The following AGBL4 variants were observed in gnomAD, a reference collection of about 807,000 sequenced individuals.
AGBL4 encodes the protein AGBL carboxypeptidase 4.
A neutral mutation model predicts 66.4 loss-of-function variants in AGBL4; 58 were observed. That is an observed-to-expected ratio of 0.87 (90% CI 0.71 to 1.09). AGBL4 has a LOEUF of 1.09. Ranked by LOEUF, AGBL4 falls within the 50% of genes least tolerant of loss-of-function variation. AGBL4 has a pLI of 0.00. For missense variants in AGBL4, 579 were observed against 631.0 expected (o/e 0.92, Z 0.88); for synonymous variants, 234 against 222.9 (o/e 1.05, Z -0.44).
intron 6 of AGBL4, among the ~76,000 whole-genome samples, chr1:48,680,508 C>T (rs778298531): frequency 2.6e-4 from 39 of 152,224 alleles, no homozygotes; most frequent in Non-Finnish European, 5.1e-4. Context: ...CAAAACAGCT[C>T]TCAACACAAT....
intron 5 of AGBL4, among the ~76,000 whole-genome samples, chr1:48,910,552 G>A (rs1193530877): frequency 1.3e-5 from 2 of 152,122 alleles, no homozygotes; most frequent in African/African-American, 4.8e-5. Context: ...CATTAAGACA[G>A]ACTGTCAAAA....
intron 9 of AGBL4, among the ~76,000 whole-genome samples, chr1:48,611,698 A>G (rs948502243): frequency 6.6e-6 from 1 of 152,184 alleles, no homozygotes; most frequent in East Asian, 1.9e-4. Flanking sequence ...CTTGCCCAAG[A>G]TCACACAGCT....
chr1:49,607,148 C>G (rs1306581513), intron 3 of AGBL4, among the ~76,000 whole-genome samples: 1 of 152,088 alleles, frequency 6.6e-6, no homozygotes, highest in Non-Finnish European at 1.5e-5. Flanking sequence ...TGCCAACACT[C>G]CCATACCCAT....
At chr1:49,137,646 G>C (rs546712127) in intron 4 of AGBL4, among the ~76,000 whole-genome samples, 1 of 152,164 alleles carries the variant, frequency 6.6e-6, no homozygotes, top group South Asian at 2.1e-4. Flanking sequence ...GTCCTTATAG[G>C]CTACCGAGTA....
At chr1:49,746,384 A>G (rs1650988512) in intron 2 of AGBL4, among the ~76,000 whole-genome samples, 1 of 151,870 alleles carries the variant, frequency 6.6e-6, no homozygotes. Flanking sequence ...CTACTCAACA[A>G]ATGTTTTGTT....
chr1:48,805,280 TTTCC>T (rs1249682261), intron 6 of AGBL4, among the ~76,000 whole-genome samples: 1 of 152,196 alleles, frequency 6.6e-6, no homozygotes, highest in African/African-American at 2.4e-5. Context: ...GAGGGAATGT[TTTCC>T]ATCAAAAGGA....
At chr1:48,643,550 A>G (rs116134671) in intron 8 of AGBL4, among the ~76,000 whole-genome samples, 3,992 of 152,288 alleles carry the variant, frequency 0.026, 166 homozygotes, top group African/African-American at 0.089. Flanking sequence ...ACTTGGGCAA[A>G]TGACTTAACC....
intron 4 of AGBL4, among the ~76,000 whole-genome samples, chr1:49,197,107 G>A (rs1036366297): frequency 1.3e-5 from 2 of 152,160 alleles, no homozygotes; most frequent in Non-Finnish European, 2.9e-5. Flanking sequence ...GAAATTACAG[G>A]CACAAGCCAC....
chr1:49,644,151 T>C (rs1444017810), intron 3 of AGBL4, among the ~76,000 whole-genome samples: 2 of 151,538 alleles, frequency 1.3e-5, no homozygotes, highest in Non-Finnish European at 3.0e-5. Flanking sequence ...CTGTGATAAA[T>C]TGAAGATGTA....
intron 1 of AGBL4, among the ~76,000 whole-genome samples, chr1:49,886,161 G>A (rs965293382): frequency 2.3e-4 from 35 of 152,166 alleles, no homozygotes; most frequent in African/African-American, 7.7e-4. Context: ...ATGCCTTAAT[G>A]TCCACTTCCC....
intron 9 of AGBL4, among the ~76,000 whole-genome samples, chr1:48,631,879 C>T (rs114576403): frequency 2.0e-4 from 30 of 152,310 alleles, no homozygotes; most frequent in African/African-American, 7.2e-4. Flanking sequence ...AAAGCCAAGA[C>T]TTATGACCAT....
In AGBL4 at chr1:48,961,419, G is replaced by C. The variant is rs952866509; in HGVS notation, c.594+84165C>G. ...CCCAAGCAATTGATTTTCACAATAT[G>C]CTTCTTTGTCAAAGAAGACCAAGAA... is the stretch of plus-strand genomic sequence containing the variant. On this transcript the variant is annotated intron_variant, in intron 5 of 13. Transcript: ENST00000371839. Among the ~76,000 whole-genome samples, 6 of 152,292 alleles carry C rather than the reference G, an allele frequency of 3.9e-5. No individual in the cohort carries two copies. In the East Asian group the frequency reaches 1.2e-3, roughly 29 times the overall value.
chr1:48,990,779 T>C (rs2148977653), intron 5 of AGBL4, among the ~76,000 whole-genome samples: 1 of 152,262 alleles, frequency 6.6e-6, no homozygotes, highest in South Asian at 2.1e-4. Context: ...GTAAATAATA[T>C]CTCATAACCC....
At chr1:49,678,546 T>C (rs1262977733) in intron 3 of AGBL4, among the ~76,000 whole-genome samples, 1 of 152,144 alleles carries the variant, frequency 6.6e-6, no homozygotes, top group African/African-American at 2.4e-5. Flanking sequence ...AGGAAGGAGC[T>C]TAGATTGCTG....
At chr1:49,013,999 G>T (rs995455809) in intron 5 of AGBL4, among the ~76,000 whole-genome samples, 1 of 151,962 alleles carries the variant, frequency 6.6e-6, no homozygotes, top group Non-Finnish European at 1.5e-5. Context: ...ATAATATAAG[G>T]ACAATACTGT....
intron 4 of AGBL4, among the ~76,000 whole-genome samples, chr1:49,090,195 C>G (rs571355863): frequency 6.6e-6 from 1 of 152,210 alleles, no homozygotes; most frequent in East Asian, 1.9e-4. Context: ...AATGCTCACT[C>G]TCACCACTCC....
In AGBL4 at chr1:49,687,783, A is replaced by T. The variant is rs75200197; in HGVS notation, c.282+9530T>A. On this transcript the variant is annotated intron_variant, in intron 3 of 13. Transcript: ENST00000371839. ...GAGTAAAAGCCTATCTAAAAAAAAT[A>T]AAAAAAAAATTAAAAAAATACAAGT... Among the ~76,000 whole-genome samples, 142 of 150,302 alleles carry T rather than the reference A, an allele frequency of 9.4e-4. 1 individual carries two copies. The highest frequency in any genetic ancestry group is 4.9e-3 in the Admixed American group (74 of 15,078).
chr1:49,326,668 C>A (rs955003055), intron 3 of AGBL4, among the ~76,000 whole-genome samples: 3 of 152,080 alleles, frequency 2.0e-5, no homozygotes, highest in Admixed American at 2.0e-4. Flanking sequence ...GGAATAGAGT[C>A]ATGAAGAAGG....
At chr1:48,963,660 G>A (rs1167444516) in intron 5 of AGBL4, among the ~76,000 whole-genome samples, 4 of 152,214 alleles carry the variant, frequency 2.6e-5, no homozygotes. Flanking sequence ...CAGAAAAGGG[G>A]AAATAAATGA....
Sources: allele counts gnomAD v4.1 joint callset (sites outside exome capture counted in the v4.1 genomes callset), GRCh38; gene constraint gnomAD v4.1.1; transcripts MANE v1.5; gene names NCBI Gene and HGNC (gene_info 2026-07-23, HGNC 2026-07-21).